ZNF695: variants seen among roughly 807,000 people sequenced by gnomAD.
ZNF695 encodes the protein zinc finger protein 695, also known as zinc finger protein SBZF3.
Under a neutral mutation model 11.2 loss-of-function variants are expected in ZNF695, and 11 were observed. The observed-to-expected ratio is 0.98, with a 90% CI of 0.62 to 1.62. ZNF695 has a LOEUF of 1.62. ZNF695 is among the 40% of genes most tolerant of loss of function. The pLI is 0.00. For synonymous variants in ZNF695, 190 were observed against 201.4 expected (o/e 0.94, Z 0.48); for missense variants, 559 against 590.5 (o/e 0.95, Z 0.55).
chr1:246,961,343 A>G (rs1490331735), intron 5 of ZNF695, among the ~76,000 whole-genome samples: 1 of 152,198 alleles, frequency 6.6e-6, no homozygotes, highest in African/African-American at 2.4e-5. Flanking sequence ...CTATTATTTC[A>G]TGTGCACGTA....
chr1:246,961,876 C>T (rs775890590), intron 5 of ZNF695, among the ~76,000 whole-genome samples: 30 of 152,164 alleles, frequency 2.0e-4, no homozygotes. Flanking sequence ...CTTCATCACT[C>T]CCTTCATCAT....
At chr1:247,001,227 G>A (rs1003174671) in intron 1 of ZNF695, among the ~76,000 whole-genome samples, 3 of 151,906 alleles carry the variant, frequency 2.0e-5, no homozygotes, top group Non-Finnish European at 4.4e-5. Flanking sequence ...AAAGAAAAAC[G>A]AACTATTCTT....
intron 4 of ZNF695, among the ~76,000 whole-genome samples, chr1:246,980,187 A>C (rs1190963829): frequency 6.6e-6 from 1 of 150,640 alleles, no homozygotes; most frequent in Non-Finnish European, 1.5e-5. Context: ...TTAAAAAAAA[A>C]AAAAAAAAAA....
Position 246,985,581 on chromosome 1 carries a change from T to G in ZNF695, c.*1386A>C, listed in dbSNP as rs567293423. ...TGGTGGTAGGATACGCATCACTTAA[T>G]GTACAACGGTCCAAAGACATTAAAA... On this transcript the variant is annotated 3_prime_UTR_variant, in exon 4 of 4. Transcript: ENST00000339986. 1.3e-4 allele frequency: 123 copies of G among 981,298 alleles called. No homozygotes were observed. The African/African-American group carries it at 2.0e-3, about 16-fold the overall frequency. The allele number at this position is 981,298 out of a possible 1,614,324, so 60.8% of individuals were successfully genotyped here. A position where few individuals can be genotyped will look rare whatever the true frequency, so the allele number is the denominator to read the frequency against.
intron 3 of ZNF695, among the ~76,000 whole-genome samples, chr1:246,995,363 C>T (rs1669170003): frequency 6.6e-6 from 1 of 152,156 alleles, no homozygotes; most frequent in Non-Finnish European, 1.5e-5. Flanking sequence ...CGAAGATGTT[C>T]ATATCACCCA....
chr1:246,994,098 C>A (rs1669122505), intron 3 of ZNF695, among the ~76,000 whole-genome samples: 1 of 152,094 alleles, frequency 6.6e-6, no homozygotes, highest in Non-Finnish European at 1.5e-5. Flanking sequence ...TCACTTGAAC[C>A]TGGGCGGCGG....
chr1:246,956,455 A>T (rs1668005023), intron 5 of ZNF695, among the ~76,000 whole-genome samples: 1 of 151,628 alleles, frequency 6.6e-6, no homozygotes, highest in African/African-American at 2.4e-5. Context: ...GTCTCTACAA[A>T]AAATACAAAA....
At position 246,976,592 on chromosome 1, in the gene ZNF695, A is replaced by G. The variant is rs530203924; in HGVS notation, c.391-8800T>C. On this transcript the variant is annotated intron_variant, in intron 4 of 5. Coordinates refer to the ZNF695 transcript ENST00000487338. ...GGCAGATCACGAGGTGAGGAGATCGAGACCATCCTGGCTAACACGGTGAAA... is the reference window on the plus strand; with the variant it reads ...GGCAGATCACGAGGTGAGGAGATCGGGACCATCCTGGCTAACACGGTGAAA... Among the ~76,000 whole-genome samples, 371 of 151,738 alleles carry G rather than the reference A, an allele frequency of 2.4e-3. 6 individuals are homozygous for G. The highest frequency in any genetic ancestry group is 8.4e-3 in the African/African-American group (349 of 41,352).
At position 246,997,241 on chromosome 1, in the gene ZNF695, G is replaced by A. The variant is rs963598348; in HGVS notation, c.259+2107C>T. Among the ~76,000 whole-genome samples the A allele has an allele frequency of 4.6e-5, 7 of 152,214 alleles. No homozygotes were observed. In the East Asian group the frequency reaches 7.7e-4, roughly 17 times the overall value. On this transcript the variant is annotated intron_variant, in intron 3 of 3. Transcript: ENST00000339986. ...AAAAAGTCCAGGCGCGGTGGCTCAC[G>A]CCTATAATCCCAGCACTTTGGGAGG...
chr1:246,988,829 G>A lies in ZNF695; in HGVS notation c.260-574C>T, dbSNP rs553683648. Among the ~76,000 whole-genome samples the A allele has an allele frequency of 8.5e-5, 13 of 152,160 alleles. 1 individual carries two copies. The East Asian group carries it at 1.9e-3, about 23-fold the overall frequency. On this transcript the variant is annotated intron_variant, in intron 3 of 3. Coordinates refer to ENST00000339986, the MANE Select transcript of ZNF695 (RefSeq NM_020394.5). ...CATTAGGCCGGGCGCGGTGGCTCAC[G>A]CCTGTAATCCCAGCACTTTGGGAGG...
At chr1:246,966,481 C>G (rs1435280740) in intron 5 of ZNF695, among the ~76,000 whole-genome samples, 1 of 151,274 alleles carries the variant, frequency 6.6e-6, no homozygotes, top group Admixed American at 6.6e-5. Flanking sequence ...ACTCCATCCC[C>G]CCACCAAAAA....
At chr1:246,988,949 C>A (rs1312393173) in intron 3 of ZNF695, among the ~76,000 whole-genome samples, 1 of 152,124 alleles carries the variant, frequency 6.6e-6, no homozygotes, top group South Asian at 2.1e-4. Context: ...AAAAAATTAG[C>A]CGGGCGTGGT....
intron 5 of ZNF695, among the ~76,000 whole-genome samples, chr1:246,949,105 C>G (rs1403352121): frequency 1.3e-5 from 2 of 152,102 alleles, no homozygotes; most frequent in East Asian, 1.9e-4. Flanking sequence ...AACAGCAACT[C>G]CAGAACTCCA....
At chr1:246,947,059 G>C (rs1667752498) in intron 5 of ZNF695, among the ~76,000 whole-genome samples, 1 of 148,148 alleles carries the variant, frequency 6.8e-6, no homozygotes. Flanking sequence ...AGAATGGCAT[G>C]AACTCGGGAG....
chr1:247,007,962 A>G lies in ZNF695; in HGVS notation c.-54T>C, dbSNP rs1474913909. ...TCCCTATAAATCTCGCAATACCTGC[A>G]GGCCACAGGGCGATGGAGCCTGCGG... On this transcript the variant is annotated 5_prime_UTR_variant, in exon 1 of 4. Coordinates refer to ENST00000339986, the MANE Select transcript of ZNF695 (RefSeq NM_020394.5). 2 of 1,472,174 alleles carry G rather than the reference A, an allele frequency of 1.4e-6. No homozygotes were observed. Among genetic ancestry groups the G allele is most frequent in the Non-Finnish European group, 1.8e-6 (2 of 1,100,588 alleles). 91.2% of individuals were successfully genotyped at this position (1,472,174 alleles called of 1,614,324 possible). A position where few individuals can be genotyped will look rare whatever the true frequency, so the allele number is the denominator to read the frequency against.
chr1:246,949,858 A>C (rs910531755), intron 5 of ZNF695, among the ~76,000 whole-genome samples: 7 of 152,212 alleles, frequency 4.6e-5, no homozygotes, highest in Non-Finnish European at 1.0e-4. Flanking sequence ...ACATACTAAC[A>C]ATTTTGTATG....
chr1:246,957,659 G>C (rs114435131), intron 5 of ZNF695, among the ~76,000 whole-genome samples: 1,576 of 151,824 alleles, frequency 0.01, 22 homozygotes, highest in African/African-American at 0.036. Flanking sequence ...TTTTGAGATA[G>C]GGTGTCACTC....
At chr1:246,966,865 G>C (rs1668303578) in intron 5 of ZNF695, 1 of 456,600 alleles carries the variant, frequency 2.2e-6, no homozygotes, top group South Asian at 1.5e-5. Flanking sequence ...GTGAGATAGT[G>C]AGATGAGGAG....
rs556920681 is a variant in ZNF695, at chr1:246,956,839, G to A, written c.488+10856C>T. Among the ~76,000 whole-genome samples the A allele has an allele frequency of 5.3e-5, 8 of 152,178 alleles. No homozygotes were observed. The East Asian group carries it at 1.2e-3, about 22-fold the overall frequency. On this transcript the variant is annotated intron_variant, in intron 5 of 5. Coordinates refer to the ZNF695 transcript ENST00000487338. ...TAGGATTACAGGCATGAGCCACTGC[G>A]CTGGGCCTATTTCTTGAGATGATAA...
Sources: allele counts gnomAD v4.1 joint callset (sites outside exome capture counted in the v4.1 genomes callset), GRCh38; gene constraint gnomAD v4.1.1; transcripts MANE v1.5; gene names NCBI Gene and HGNC (gene_info 2026-07-23, HGNC 2026-07-21).